The following EYA2 variants were observed in gnomAD, a reference collection of about 807,000 sequenced individuals.
The protein encoded by EYA2 is protein phosphatase EYA2.
Under a neutral mutation model 69.2 loss-of-function variants are expected in EYA2, and 31 were observed. The observed-to-expected ratio is 0.45, with a 90% CI of 0.34 to 0.60. The LOEUF is 0.60. EYA2 is among the 20% of genes least tolerant of loss of function. EYA2 has a pLI of 0.02. For missense variants in EYA2, 622 were observed against 701.2 expected (o/e 0.89, Z 1.28); for synonymous variants, 257 against 279.4 (o/e 0.92, Z 0.80).
intron 5 of EYA2, among the ~76,000 whole-genome samples, chr20:47,052,034 A>G (rs2030366326): frequency 1.3e-5 from 2 of 152,186 alleles, no homozygotes; most frequent in African/African-American, 4.8e-5. Flanking sequence ...TAGTGCCGAG[A>G]ACAAAACAGA....
intron 5 of EYA2, among the ~76,000 whole-genome samples, chr20:47,047,156 G>A (rs139231715): frequency 3.3e-5 from 5 of 152,068 alleles, no homozygotes; most frequent in Admixed American, 1.3e-4. Flanking sequence ...CCTGAAGGTC[G>A]GGGGCTGTGT....
At chr20:47,106,952 G>C (rs756219507) in intron 9 of EYA2, among the ~76,000 whole-genome samples, 88 of 152,290 alleles carry the variant, frequency 5.8e-4, no homozygotes, top group Admixed American at 1.2e-3. Flanking sequence ...AACTGGAGTA[G>C]AAGGGAGTGT....
chr20:46,990,119 G>A lies in EYA2; in HGVS notation c.109G>A (p.Gly37Ser), dbSNP rs1167420734. 4 of 1,584,342 alleles carry A rather than the reference G, an allele frequency of 2.5e-6. No homozygotes were observed. The South Asian group carries it at 4.4e-5, about 18-fold the overall frequency. Reference sequence around the variant, plus strand: ...TGTGTGGACTCTGAGTGACAGACAAGGTAGGCTTCCTGCTGTGAGTTTGGG... The same window carrying A: ...TGTGTGGACTCTGAGTGACAGACAAAGTAGGCTTCCTGCTGTGAGTTTGGG... Reference protein sequence around the residue: ...AAVWTLSDRQGITKSAPLRVS... With the variant: ...AAVWTLSDRQSITKSAPLRVS... The change falls in exon 2 of 16, where the codon GGC becomes AGC. Residue 37 changes from glycine to serine, a missense_variant and splice_region_variant. By Grantham distance (56) the Gly-to-Ser change is moderately conservative. Transcript: ENST00000327619.
chr20:47,040,628 C>G (rs1265641034), intron 5 of EYA2, among the ~76,000 whole-genome samples: 2 of 152,236 alleles, frequency 1.3e-5, no homozygotes, highest in African/African-American at 2.4e-5. Context: ...AGCAACTGTT[C>G]TAATCACATC....
chr20:46,900,731 T>A (rs980555140), intron 1 of EYA2, among the ~76,000 whole-genome samples: 2 of 152,256 alleles, frequency 1.3e-5, no homozygotes, highest in Non-Finnish European at 2.9e-5. Context: ...ATTTTGATGA[T>A]CTTTGAGGCT....
chr20:46,934,722 T>A (rs986617361), intron 1 of EYA2, among the ~76,000 whole-genome samples: 3 of 151,884 alleles, frequency 2.0e-5, no homozygotes, highest in African/African-American at 7.2e-5. Context: ...ATTTATTGGA[T>A]GGGACAGGGG....
chr20:46,931,299 T>C (rs756934877), intron 1 of EYA2, among the ~76,000 whole-genome samples: 6 of 152,222 alleles, frequency 3.9e-5, no homozygotes, highest in Non-Finnish European at 5.9e-5. Context: ...CACTAAAATA[T>C]AGATTGTATC....
intron 14 of EYA2, among the ~76,000 whole-genome samples, chr20:47,182,393 C>T (rs1363355400): frequency 3.4e-5 from 5 of 146,568 alleles, no homozygotes; most frequent in African/African-American, 1.0e-4. Context: ...TTTGGGAGGA[C>T]GAGGCAGGTG....
intron 1 of EYA2, among the ~76,000 whole-genome samples, chr20:46,896,115 G>C (rs1983798915): frequency 6.6e-6 from 1 of 152,178 alleles, no homozygotes; most frequent in South Asian, 2.1e-4. Flanking sequence ...CAGTGGAAGA[G>C]CTGAACATTG....
intron 1 of EYA2, among the ~76,000 whole-genome samples, chr20:46,958,646 C>G (rs62201227): frequency 4.6e-5 from 7 of 152,094 alleles, no homozygotes; most frequent in Admixed American, 3.9e-4. Context: ...TATTTCGTTA[C>G]CCATAAAGTA....
chr20:47,151,826 G>A (rs369212284), intron 10 of EYA2, among the ~76,000 whole-genome samples: 35 of 152,120 alleles, frequency 2.3e-4, no homozygotes, highest in African/African-American at 8.4e-4. Context: ...GGAGGGCAGA[G>A]AACATGTCCA....
chr20:47,067,666 A>C (rs1237333870), intron 5 of EYA2, among the ~76,000 whole-genome samples: 1 of 152,220 alleles, frequency 6.6e-6, no homozygotes, highest in South Asian at 2.1e-4. Context: ...GCACAACCAC[A>C]TAGAGAGGAA....
At chr20:47,115,530 A>G (rs1210759197) in intron 9 of EYA2, among the ~76,000 whole-genome samples, 1 of 151,914 alleles carries the variant, frequency 6.6e-6, no homozygotes, top group Non-Finnish European at 1.5e-5. Context: ...ATGCTCACGT[A>G]ACTCTCTTAA....
chr20:47,138,462 C>G (rs917345424), intron 9 of EYA2, among the ~76,000 whole-genome samples: 2 of 151,972 alleles, frequency 1.3e-5, no homozygotes, highest in Non-Finnish European at 2.9e-5. Flanking sequence ...TTAAAAAATT[C>G]TAGAAGGCTG....
At chr20:46,936,917 G>T (rs778860367) in intron 1 of EYA2, among the ~76,000 whole-genome samples, 1 of 152,150 alleles carries the variant, frequency 6.6e-6, no homozygotes, top group Admixed American at 6.5e-5. Flanking sequence ...GTTCAAGCCC[G>T]CTCGGGTCCC....
chr20:46,944,334 T>A (rs559369553), intron 1 of EYA2, among the ~76,000 whole-genome samples: 1 of 152,266 alleles, frequency 6.6e-6, no homozygotes, highest in East Asian at 1.9e-4. Context: ...GGCACCTGAC[T>A]CCAGGGCGGG....
chr20:47,183,181 C>G (rs1278109502), intron 14 of EYA2, 110 bp from the exon 15 acceptor site: 1 of 917,182 alleles, frequency 1.1e-6, no homozygotes, highest in African/African-American at 1.7e-5. Context: ...ATGATGAATA[C>G]CGGGCCTTTG....
intron 1 of EYA2, among the ~76,000 whole-genome samples, chr20:46,898,805 A>C (rs1983946864): frequency 6.6e-6 from 1 of 152,208 alleles, no homozygotes; most frequent in Non-Finnish European, 1.5e-5. Context: ...GTGTGATTTA[A>C]AATCAGTTTT....
intron 1 of EYA2, among the ~76,000 whole-genome samples, chr20:46,943,669 C>G (rs1371877211): frequency 6.6e-6 from 1 of 152,156 alleles, no homozygotes; most frequent in Non-Finnish European, 1.5e-5. Context: ...ATTTCAAGCA[C>G]GACATATACC....
Sources: gnomAD v4.1 joint callset for allele counts (sites outside exome capture counted in the v4.1 genomes callset) on GRCh38, gnomAD v4.1.1 for gene constraint, MANE v1.5 for transcripts, NCBI Gene and HGNC (gene_info 2026-07-23, HGNC 2026-07-21) for gene names.